Variants in KCND2 observed in about 807,000 individuals in gnomAD.
KCND2 encodes the protein A-type voltage-gated potassium channel KCND2.
In KCND2, 16 loss-of-function variants were observed where a neutral mutation model predicts 54.4. That is an observed-to-expected ratio of 0.29 (90% confidence interval 0.20 to 0.45). The LOEUF is 0.45. Among genes scored for constraint, KCND2 ranks in the 20% least tolerant of loss-of-function variants. The pLI is 1.00. For missense variants in KCND2, 486 were observed against 824.2 expected, an observed-to-expected ratio of 0.59 and a Z score of 5.02; for synonymous variants, 317 against 310.7, an observed-to-expected ratio of 1.02 and a Z score of -0.21.
intron 1 of KCND2, among the ~76,000 whole-genome samples, chr7:120,409,912 T>A (rs868537916): frequency 3.9e-5 from 6 of 152,040 alleles, no homozygotes; most frequent in Middle Eastern, 6.8e-3. Context: ...AGTTTATCAT[T>A]TTTTGTTTCA....
chr7:120,433,960 A>G (rs1480293758), intron 1 of KCND2, among the ~76,000 whole-genome samples: 1 of 152,212 alleles, frequency 6.6e-6, no homozygotes, highest in Non-Finnish European at 1.5e-5. Context: ...CATGTCTTAA[A>G]TCTTTGTACC....
chr7:120,486,436 T>C (rs928220167), intron 1 of KCND2, among the ~76,000 whole-genome samples: 5 of 151,576 alleles, frequency 3.3e-5, no homozygotes, highest in African/African-American at 1.2e-4. Flanking sequence ...CCTGTGAGGG[T>C]GAAAAAGTAA....
chr7:120,461,786 T>A (rs536689873), intron 1 of KCND2, among the ~76,000 whole-genome samples: 2 of 152,280 alleles, frequency 1.3e-5, no homozygotes, highest in Middle Eastern at 6.8e-3. Flanking sequence ...TTAATTCTGC[T>A]TGTGTCACCT....
chr7:120,497,945 G>T (rs541543246), intron 1 of KCND2, among the ~76,000 whole-genome samples: 48 of 151,988 alleles, frequency 3.2e-4, no homozygotes, highest in Non-Finnish European at 5.6e-4. Flanking sequence ...AACACAGTAC[G>T]CATTAAAATA....
intron 1 of KCND2, among the ~76,000 whole-genome samples, chr7:120,443,587 C>T (rs1330023060): frequency 1.3e-5 from 2 of 151,942 alleles, no homozygotes; most frequent in Non-Finnish European, 2.9e-5. Flanking sequence ...CTTCTTGAAT[C>T]ATATGATTCC....
intron 1 of KCND2, among the ~76,000 whole-genome samples, chr7:120,561,259 T>G (rs1236620868): frequency 6.6e-6 from 1 of 152,150 alleles, no homozygotes; most frequent in Non-Finnish European, 1.5e-5. Flanking sequence ...CTTGTTCTTA[T>G]GGACAGCAGG....
At chr7:120,613,403 C>T (rs773952127) in intron 1 of KCND2, among the ~76,000 whole-genome samples, 24 of 152,040 alleles carry the variant, frequency 1.6e-4, no homozygotes, top group Non-Finnish European at 2.2e-4. Context: ...TAGTGGCGCA[C>T]GCCTGTAATC....
At chr7:120,423,137 G>C (rs1049922521) in intron 1 of KCND2, among the ~76,000 whole-genome samples, 6 of 152,136 alleles carry the variant, frequency 3.9e-5, no homozygotes, top group African/African-American at 1.4e-4. Flanking sequence ...CTACCTTATT[G>C]TTTTGATACC....
chr7:120,605,072 T>G (rs1792864398), intron 1 of KCND2, among the ~76,000 whole-genome samples: 1 of 152,226 alleles, frequency 6.6e-6, no homozygotes, highest in Non-Finnish European at 1.5e-5. Context: ...TACATATAAG[T>G]CTGCAGCAGT....
chr7:120,522,564 T>G (rs531955683), intron 1 of KCND2, among the ~76,000 whole-genome samples: 15 of 152,324 alleles, frequency 9.8e-5, no homozygotes, highest in Admixed American at 2.0e-4. Flanking sequence ...TGCTTTGTTA[T>G]GATTACCATG....
chr7:120,300,389 C>T (rs1048088489), intron 1 of KCND2, among the ~76,000 whole-genome samples: 2 of 152,066 alleles, frequency 1.3e-5, no homozygotes, highest in African/African-American at 4.8e-5. Flanking sequence ...ATATTAATAT[C>T]TTTAAGCTCT....
chr7:120,657,781 G>A (rs1407443163), intron 1 of KCND2, among the ~76,000 whole-genome samples: 1 of 152,036 alleles, frequency 6.6e-6, no homozygotes, highest in Non-Finnish European at 1.5e-5. Flanking sequence ...CCAGGAGGTC[G>A]AGGCTGCAGT....
At chr7:120,419,157 T>G (rs1471074708) in intron 1 of KCND2, among the ~76,000 whole-genome samples, 1 of 152,140 alleles carries the variant, frequency 6.6e-6, no homozygotes, top group Admixed American at 6.5e-5. Context: ...TGGAACATAT[T>G]GTACTTCCTA....
chr7:120,639,714 T>C (rs1793348030), intron 1 of KCND2, among the ~76,000 whole-genome samples: 1 of 152,202 alleles, frequency 6.6e-6, no homozygotes, highest in Non-Finnish European at 1.5e-5. Flanking sequence ...AACTTGCCCA[T>C]TCTTAAAGCC....
chr7:120,482,881 CAAT>C lies in KCND2; in HGVS notation c.1115+207140_1115+207142del, dbSNP rs1468393082. Among the ~76,000 whole-genome samples, 3 of 152,124 alleles carry C rather than the reference CAAT, an allele frequency of 2.0e-5. No individual in the cohort carries two copies. The East Asian group carries it at 5.8e-4, about 29-fold the overall frequency. On this transcript the variant is annotated intron_variant, in intron 1 of 5. Coordinates refer to ENST00000331113, the MANE Select transcript of KCND2 (RefSeq NM_012281.3). ...TGTTGCTAGCACTATGTTCTGAAAA[CAAT>C]AATAAATTGCTTATGATTAATTGCG...
intron 1 of KCND2, among the ~76,000 whole-genome samples, chr7:120,444,347 C>G (rs1801989477): frequency 6.6e-6 from 1 of 152,110 alleles, no homozygotes; most frequent in Non-Finnish European, 1.5e-5. Flanking sequence ...TAGTACTTAG[C>G]TTTCAGCTGT....
At chr7:120,737,894 AT>A (rs1742406785) in intron 2 of KCND2, among the ~76,000 whole-genome samples, 1 of 151,856 alleles carries the variant, frequency 6.6e-6, no homozygotes, top group African/African-American at 2.4e-5. Flanking sequence ...AGATTTTGTG[AT>A]TTGGTAACAA....
chr7:120,684,977 T>G (rs1792183044), intron 1 of KCND2, among the ~76,000 whole-genome samples: 1 of 152,186 alleles, frequency 6.6e-6, no homozygotes, highest in African/African-American at 2.4e-5. Flanking sequence ...TGATGAGTTG[T>G]ATAATTATTT....
At chr7:120,723,582 G>A (rs536627032) in intron 1 of KCND2, among the ~76,000 whole-genome samples, 16 of 152,298 alleles carry the variant, frequency 1.1e-4, no homozygotes, top group African/African-American at 3.1e-4. Context: ...GCTGAGCATG[G>A]TGGTGCATGC....
Sources: gnomAD v4.1 joint callset for allele counts (sites outside exome capture counted in the v4.1 genomes callset) on GRCh38, gnomAD v4.1.1 for gene constraint, MANE v1.5 for transcripts, NCBI Gene and HGNC (gene_info 2026-07-23, HGNC 2026-07-21) for gene names.